Variants in RAB33B observed in about 807,000 individuals in gnomAD.
RAB33B encodes the protein RAB33B, member RAS oncogene family, also known as ras-related protein Rab-33B.
In RAB33B, 6 loss-of-function variants were observed where a neutral mutation model predicts 15.0. That is an observed-to-expected ratio of 0.40 (90% CI 0.22 to 0.79). The LOEUF (loss-of-function observed/expected upper bound fraction) is 0.79. Ranked by LOEUF, RAB33B falls within the 30% of genes least tolerant of loss-of-function variation. The pLI is 0.37. For synonymous variants in RAB33B, 117 were observed against 108.3 expected, an observed-to-expected ratio of 1.08 and a Z score of -0.50; for missense variants, 257 against 296.4, an observed-to-expected ratio of 0.87 and a Z score of 0.98.
chr4:139,454,494 C>G, intron 1 of RAB33B, 50 bp downstream of exon 1: 1 of 1,579,532 alleles, frequency 6.3e-7, no homozygotes, highest in Non-Finnish European at 8.6e-7. Context: ...GGTGTCCCAA[C>G]CCCACCGTGG....
the RAB33B span, among the ~76,000 whole-genome samples, chr4:139,441,473 T>C: frequency 3.3e-5 from 5 of 152,226 alleles, no homozygotes; most frequent in Admixed American, 6.5e-5. Flanking sequence ...ACACTAATTT[T>C]TTTTTAAAGA....
intron 1 of RAB33B, among the ~76,000 whole-genome samples, chr4:139,458,875 A>G (rs1750117374): frequency 6.6e-6 from 1 of 152,208 alleles, no homozygotes; most frequent in African/African-American, 2.4e-5. Flanking sequence ...TCCCACCAGC[A>G]GTGTATAAGT....
At chr4:139,439,544 T>C in the RAB33B span, among the ~76,000 whole-genome samples, 2 of 152,230 alleles carry the variant, frequency 1.3e-5, no homozygotes, top group Non-Finnish European at 2.9e-5. Context: ...TTGAACTTCT[T>C]AGATATTCAT....
chr4:139,440,575 G>C, the RAB33B span, among the ~76,000 whole-genome samples: 1 of 152,140 alleles, frequency 6.6e-6, no homozygotes, highest in Non-Finnish European at 1.5e-5. Context: ...AGTGGTAGGA[G>C]ATGGTTAGCT....
chr4:139,458,444 T>G (rs1750111221), intron 1 of RAB33B, among the ~76,000 whole-genome samples: 1 of 152,232 alleles, frequency 6.6e-6, no homozygotes, highest in African/African-American at 2.4e-5. Context: ...TTTTCTGATC[T>G]TCCACCTCCC....
At chr4:139,441,252 A>G in the RAB33B span, among the ~76,000 whole-genome samples, 1 of 152,202 alleles carries the variant, frequency 6.6e-6, no homozygotes, top group Non-Finnish European at 1.5e-5. Context: ...CATTGGGCAA[A>G]ACTTCATAAC....
At chr4:139,472,423 A>G (rs1308291670) in intron 1 of RAB33B, among the ~76,000 whole-genome samples, 2 of 152,196 alleles carry the variant, frequency 1.3e-5, no homozygotes, top group East Asian at 3.8e-4. Context: ...GGTAAATTTT[A>G]TTTAAACAAA....
chr4:139,466,221 C>T (rs7662484), intron 1 of RAB33B, among the ~76,000 whole-genome samples: 69,736 of 151,936 alleles, frequency 0.46, 18,442 homozygotes, highest in Admixed American at 0.64. Context: ...CTAAATTCTG[C>T]GTAATCATCT....
In RAB33B at chr4:139,471,715, G is replaced by A. The variant is rs553476764; in HGVS notation, c.250-971G>A. 3.8e-4 allele frequency among the ~76,000 whole-genome samples: 58 copies of A among 152,114 alleles called. 1 individual carries two copies. The highest frequency in any genetic ancestry group is 7.1e-4 in the Non-Finnish European group (48 of 67,988). ...TGGACTCCCAGAGTGCTGAGCTACC[G>A]CATCTGGCTGCACAAATATTTTTAA... On this transcript the variant is annotated intron_variant, in intron 1 of 1. Transcript: ENST00000305626.
intron 1 of RAB33B, among the ~76,000 whole-genome samples, chr4:139,469,038 T>G (rs1463757055): frequency 1.3e-5 from 2 of 152,186 alleles, no homozygotes; most frequent in East Asian, 3.9e-4. Context: ...CTTCAGGTAG[T>G]CTTCTTTGGG....
upstream of RAB33B, chr4:139,452,913 T>C (rs1194818596): frequency 6.6e-6 from 1 of 152,170 alleles, no homozygotes; most frequent in Admixed American, 6.5e-5. Flanking sequence ...GGCATATTCA[T>C]CTGCTCAAAC....
rs545679176 is a variant in RAB33B at position 139,474,841 on chromosome 4, C to T, written c.*1715C>T. The T allele has an allele frequency of 1.3e-4, 20 of 152,546 alleles. No homozygotes were observed. Among genetic ancestry groups the T allele is most frequent in the Non-Finnish European group, 2.4e-4 (16 of 67,980 alleles). 9.4% of individuals were successfully genotyped at this position (152,546 alleles called of 1,614,324 possible). On this transcript the variant is annotated 3_prime_UTR_variant, in exon 2 of 2. Coordinates refer to ENST00000305626, the MANE Select transcript of RAB33B (RefSeq NM_031296.3). ...CACATTCACTAATTTTGATAGATTGCTGTCCTTAATAATTTTGGAGGAAAT... is the reference window on the plus strand; with the variant it reads ...CACATTCACTAATTTTGATAGATTGTTGTCCTTAATAATTTTGGAGGAAAT...
At chr4:139,444,524 C>G in the RAB33B span, among the ~76,000 whole-genome samples, 1 of 152,120 alleles carries the variant, frequency 6.6e-6, no homozygotes, top group Non-Finnish European at 1.5e-5. Flanking sequence ...CCAAGAAGAT[C>G]TCTAGCCTTT....
intron 1 of RAB33B, among the ~76,000 whole-genome samples, chr4:139,462,304 C>T (rs1156498064): frequency 6.6e-6 from 1 of 152,128 alleles, no homozygotes; most frequent in Non-Finnish European, 1.5e-5. Flanking sequence ...CCGCCTGCCT[C>T]GGCCTCCCAA....
intron 1 of RAB33B, among the ~76,000 whole-genome samples, chr4:139,466,584 CTTTTTTT>C (rs552134078): frequency 6.9e-6 from 1 of 144,070 alleles, no homozygotes; most frequent in Admixed American, 7.0e-5. Context: ...TTTCTTTTTT[CTTTTTTT>C]TTTTTGAGAC....
At chr4:139,463,736 CT>C (rs1750216583) in intron 1 of RAB33B, among the ~76,000 whole-genome samples, 1 of 152,150 alleles carries the variant, frequency 6.6e-6, no homozygotes, top group Non-Finnish European at 1.5e-5. Flanking sequence ...TTTCTCTAGC[CT>C]TTTATGGTCA....
intron 1 of RAB33B, among the ~76,000 whole-genome samples, chr4:139,459,896 G>A (rs904510298): frequency 6.6e-6 from 1 of 152,152 alleles, no homozygotes; most frequent in African/African-American, 2.4e-5. Flanking sequence ...CTCCCAAAGC[G>A]CTGGGATTAC....
rs1750485322 is a variant in RAB33B, at chr4:139,475,526, T to C, written c.*2400T>C. On this transcript the variant is annotated 3_prime_UTR_variant, in exon 2 of 2. Coordinates refer to ENST00000305626, the MANE Select transcript of RAB33B (RefSeq NM_031296.3). ...ATTTTTAAAAAACATACCAGTTGAA[T>C]GGGGTTAAAGCTTTCAATATCTTAA... 6.6e-6 allele frequency: 1 copy of C among 152,012 alleles called. No homozygotes were observed. Among genetic ancestry groups the C allele is most frequent in the Admixed American group, 6.6e-5 (1 of 15,258 alleles). The allele number at this position is 152,012 out of a possible 1,614,324, so 9.4% of individuals were successfully genotyped here. A position where few individuals can be genotyped will look rare whatever the true frequency, so the allele number is the denominator to read the frequency against.
chr4:139,454,493 A>T (rs773859206), intron 1 of RAB33B, 49 bp downstream of exon 1: 3 of 1,578,868 alleles, frequency 1.9e-6, no homozygotes, highest in Admixed American at 1.7e-5. Context: ...AGGTGTCCCA[A>T]CCCCACCGTG....
Sources: allele counts gnomAD v4.1 joint callset (sites outside exome capture counted in the v4.1 genomes callset), GRCh38; gene constraint gnomAD v4.1.1; transcripts MANE v1.5; gene names NCBI Gene and HGNC (gene_info 2026-07-23, HGNC 2026-07-21).